CLIP2: variants seen among roughly 807,000 people sequenced by gnomAD.
CLIP2 encodes the protein CAP-Gly domain-containing linker protein 2.
CLIP2 carries 41 observed loss-of-function variants against 111.7 expected under a neutral mutation model. The ratio of observed to expected loss-of-function variants is 0.37; its 90% CI spans 0.29 to 0.48. The LOEUF is 0.48. Ranked by LOEUF, CLIP2 falls within the 20% of genes least tolerant of loss-of-function variation. The pLI, the probability that CLIP2 is intolerant of heterozygous loss-of-function variation, is 0.99. For synonymous variants in CLIP2, 660 were observed against 644.2 expected (o/e 1.02, Z -0.37); for missense variants, 1,160 against 1,422.1 (o/e 0.82, Z 2.96).
intron 2 of CLIP2, among the ~76,000 whole-genome samples, chr7:74,331,858 C>T (rs1362594886): frequency 6.6e-6 from 1 of 152,022 alleles, no homozygotes; most frequent in East Asian, 1.9e-4. Context: ...CAGGTGTGAT[C>T]CACCACGCCC....
chr7:74,317,570 G>T lies in CLIP2; in HGVS notation c.24G>T (p.Lys8Asn). 6.8e-7 allele frequency: 1 copy of T among 1,475,460 alleles called. No homozygotes were observed. The highest frequency in any genetic ancestry group is 1.4e-5 in the South Asian group (1 of 71,818). 91.4% of individuals were successfully genotyped at this position (1,475,460 alleles called of 1,614,324 possible). Reference protein sequence around the residue: MQKPSGLKPPGRGGKHSS... With the variant: MQKPSGLNPPGRGGKHSS... ...CCATGCAGAAGCCCAGCGGCCTGAAGCCCCCCGGCCGTGGGGGGAAGCACT... is the reference window on the plus strand; with the variant it reads ...CCATGCAGAAGCCCAGCGGCCTGAATCCCCCCGGCCGTGGGGGGAAGCACT... The change falls in exon 2 of 17, where the codon AAG becomes AAT. Residue 8 changes from lysine (K) to asparagine (N), a missense_variant. Lys to Asn is a moderately conservative substitution (Grantham distance 94). This residue lies in a region of CLIP2 where 301 missense variants were observed against 315.2 expected (regional missense o/e 0.96). Transcript: ENST00000223398.
intron 1 of CLIP2, among the ~76,000 whole-genome samples, chr7:74,296,120 G>T (rs1393315519): frequency 6.6e-6 from 1 of 151,916 alleles, no homozygotes; most frequent in South Asian, 2.1e-4. Context: ...AGGACATTTG[G>T]ACACAGGCAT....
intron 6 of CLIP2, among the ~76,000 whole-genome samples, chr7:74,358,975 C>A (rs1238264818): frequency 6.6e-6 from 1 of 151,732 alleles, no homozygotes; most frequent in Non-Finnish European, 1.5e-5. Flanking sequence ...CCATTTTTCA[C>A]TTTTTTTGAG....
chr7:74,378,864 C>T lies in CLIP2; in HGVS notation c.2422-1942C>T, dbSNP rs1472448761. On this transcript the variant is annotated intron_variant, in intron 10 of 16. Transcript: ENST00000223398. ...TCTTTTTGCATCATGCCTTGAGGTC[C>T]CTTGTAATGGCCTTCCTGCCCCTTC... 2.6e-5 allele frequency among the ~76,000 whole-genome samples: 4 copies of T among 152,088 alleles called. No homozygotes were observed. The East Asian group carries it at 7.7e-4, about 29-fold the overall frequency.
intron 1 of CLIP2, among the ~76,000 whole-genome samples, chr7:74,290,306 G>A (rs996262386): frequency 3.3e-5 from 5 of 152,250 alleles, no homozygotes; most frequent in African/African-American, 1.2e-4. Context: ...GCTGAGGTGG[G>A]GTAGGAGGAG....
intron 2 of CLIP2, among the ~76,000 whole-genome samples, chr7:74,337,475 G>A (rs1789506563): frequency 6.6e-6 from 1 of 152,032 alleles, no homozygotes; most frequent in Non-Finnish European, 1.5e-5. Context: ...AGGGGGTCTC[G>A]GGTCAACAGC....
Position 74,376,853 on chromosome 7 carries a change from A to C in CLIP2, c.2421+31A>C. 1 of 1,516,230 alleles carries C rather than the reference A, an allele frequency of 6.6e-7. No individual in the cohort carries two copies. The highest frequency in any genetic ancestry group is 8.8e-7 in the Non-Finnish European group (1 of 1,131,638). The allele number at this position is 1,516,230 out of a possible 1,614,324, so 93.9% of individuals were successfully genotyped here. On this transcript the variant is annotated intron_variant, in intron 10 of 16. Coordinates refer to ENST00000223398, the MANE Select transcript of CLIP2 (RefSeq NM_003388.5). This position sits in a 1 kb window ranked among gnomAD's most constrained non-coding sequence, Gnocchi z 7.1. ...CGCCTGCCCCTCCTGCTGGGGCGGG[A>C]GGGTCGGGCTGGGGAGGGCTTGGCC...
intron 13 of CLIP2, 60 bp downstream of exon 13, chr7:74,389,319 T>C: frequency 1.4e-6 from 2 of 1,453,504 alleles, no homozygotes; most frequent in Non-Finnish European, 1.8e-6. Context: ...GCTCCTCTTC[T>C]TGACATTAGC....
intron 1 of CLIP2, among the ~76,000 whole-genome samples, chr7:74,303,080 C>T (rs953465562): frequency 6.6e-6 from 1 of 152,202 alleles, no homozygotes; most frequent in Non-Finnish European, 1.5e-5. Context: ...TCAGCTCTCC[C>T]AGGCCTGAGG....
chr7:74,359,493 A>C (rs570235917), intron 6 of CLIP2, among the ~76,000 whole-genome samples: 1 of 151,326 alleles, frequency 6.6e-6, no homozygotes, highest in Non-Finnish European at 1.5e-5. Context: ...AGCTGGGACT[A>C]CAGGAGCCCA....
At chr7:74,393,034 CTT>C (rs532112634) in intron 13 of CLIP2, among the ~76,000 whole-genome samples, 37 of 120,960 alleles carry the variant, frequency 3.1e-4, no homozygotes, top group East Asian at 1.9e-3. Context: ...TAAGCATTTG[CTT>C]TTTTTTTTTT....
chr7:74,398,157 G>A (rs560101706), intron 14 of CLIP2, among the ~76,000 whole-genome samples: 4 of 151,626 alleles, frequency 2.6e-5, no homozygotes, highest in Admixed American at 1.3e-4. Context: ...TCAAGAGTAC[G>A]AGACCAGCCT....
In CLIP2 at chr7:74,376,417, C is replaced by T. The variant is rs1554312865; in HGVS notation, c.2016C>T (p.Asp672=). The change falls in exon 10 of 17, where the codon GAC becomes GAT. Residue 672 remains aspartate, a synonymous_variant. Transcript: ENST00000223398. The surrounding 1 kb of genome is among the most constrained non-coding windows in gnomAD (Gnocchi z 7.1). ...TGGGTAACTTGCAGGCCAAGCATGACCTGGAGACCGCCATGCACGTGAAGG... is the reference window on the plus strand; with the variant it reads ...TGGGTAACTTGCAGGCCAAGCATGATCTGGAGACCGCCATGCACGTGAAGG... ...LELGNLQAKH[D]LETAMHVKEK... is the part of the protein sequence containing the mutation. 6.2e-7 allele frequency: 1 copy of T among 1,614,006 alleles called. No individual in the cohort carries two copies. Among genetic ancestry groups the T allele is most frequent in the South Asian group, 1.1e-5 (1 of 91,080 alleles).
chr7:74,307,787 G>A (rs558076040), intron 1 of CLIP2, among the ~76,000 whole-genome samples: 2 of 152,278 alleles, frequency 1.3e-5, no homozygotes, highest in South Asian at 4.1e-4. Context: ...CACCGTGCCC[G>A]GCAACAGTAG....
At position 74,404,081 on chromosome 7, in the gene CLIP2, A is replaced by T; in HGVS notation, c.*233A>T. On this transcript the variant is annotated 3_prime_UTR_variant, in exon 17 of 17. Transcript: ENST00000223398. The stretch of plus-strand genomic sequence containing the variant: ...GTGTGAACGGTACAGCCCCGGCCTG[A>T]CCCGGGGACCTTCAGCCTGGACACC... 1 of 519,146 alleles carries T rather than the reference A, an allele frequency of 1.9e-6. No individual in the cohort carries two copies. Among genetic ancestry groups the T allele is most frequent in the Non-Finnish European group, 3.5e-6 (1 of 284,800 alleles). 32.2% of individuals were successfully genotyped at this position (519,146 alleles called of 1,614,324 possible).
chr7:74,341,803 T>C (rs1360340194), intron 3 of CLIP2, among the ~76,000 whole-genome samples: 1 of 152,072 alleles, frequency 6.6e-6, no homozygotes, highest in Non-Finnish European at 1.5e-5. Flanking sequence ...TTCCCCTGGG[T>C]GACCTGGTGG....
intron 2 of CLIP2, among the ~76,000 whole-genome samples, chr7:74,326,828 GGGTTTCA>G (rs1376133460): frequency 1.3e-5 from 2 of 151,512 alleles, no homozygotes; most frequent in African/African-American, 4.9e-5. Flanking sequence ...AGTACAGACG[GGGTTTCA>G]CCATATTGGC....
chr7:74,318,756 T>C (rs1788859821), intron 2 of CLIP2, among the ~76,000 whole-genome samples: 2 of 152,166 alleles, frequency 1.3e-5, no homozygotes, highest in African/African-American at 4.8e-5. Flanking sequence ...CTTTGATAAA[T>C]GATGCTGTGA....
chr7:74,340,260 A>G (rs1789620427), intron 3 of CLIP2, among the ~76,000 whole-genome samples: 1 of 151,892 alleles, frequency 6.6e-6, no homozygotes, highest in Non-Finnish European at 1.5e-5. Flanking sequence ...GCTGGCTGTG[A>G]TGGCGTGTGC....
Sources: gnomAD v4.1 joint callset for allele counts (sites outside exome capture counted in the v4.1 genomes callset) on GRCh38, gnomAD v4.1.1 for gene constraint, gnomAD v4.1.1 regional missense constraint, Gnocchi (gnomAD v3.1) non-coding constraint, MANE v1.5 for transcripts, NCBI Gene and HGNC (gene_info 2026-07-23, HGNC 2026-07-21) for gene names.